Variants in CCDC152 observed in about 807,000 individuals in gnomAD.
CCDC152 encodes coiled-coil domain containing 152.
Under a neutral mutation model 38.1 loss-of-function variants are expected in CCDC152, and 37 were observed. The ratio of observed to expected loss-of-function variants is 0.97; its 90% CI spans 0.75 to 1.28. The LOEUF (loss-of-function observed/expected upper bound fraction) is 1.28, where lower values mean the gene tolerates loss of function less well. Ranked by LOEUF, CCDC152 falls within the 50% of genes most tolerant of loss-of-function variation. The probability of loss-of-function intolerance (pLI) is 0.00; values close to 1 mark genes in which losing one functional copy is unlikely to be tolerated. For missense variants in CCDC152, 259 were observed against 292.1 expected, an observed-to-expected ratio of 0.89 and a Z score of 0.83; for synonymous variants, 83 against 87.1, an observed-to-expected ratio of 0.95 and a Z score of 0.26.
Position 42,800,053 on chromosome 5 carries a change from A to G in CCDC152, c.*272A>G. 1 of 329,638 alleles carries G rather than the reference A, an allele frequency of 3.0e-6. No individual in the cohort carries two copies. The highest frequency in any genetic ancestry group is 6.5e-5 in the East Asian group (1 of 15,390). The allele number at this position is 329,638 out of a possible 1,614,324, so 20.4% of individuals were successfully genotyped here. On this transcript the variant is annotated 3_prime_UTR_variant, in exon 9 of 9. Coordinates refer to ENST00000361970, the MANE Select transcript of CCDC152 (RefSeq NM_001134848.2). ...TACTTACTAAGCAATATAGAGACAG[A>G]CAATATTATCTTTCCCCTTATATCT...
intron 3 of CCDC152, among the ~76,000 whole-genome samples, chr5:42,768,742 C>A (rs1371267422): frequency 6.6e-6 from 1 of 152,136 alleles, no homozygotes; most frequent in East Asian, 1.9e-4. Context: ...TTGTCTTATA[C>A]CAAAACAATA....
At chr5:42,775,572 G>A (rs1303652153) in intron 4 of CCDC152, among the ~76,000 whole-genome samples, 1 of 152,028 alleles carries the variant, frequency 6.6e-6, no homozygotes, top group Non-Finnish European at 1.5e-5. Flanking sequence ...TGATGAAAGA[G>A]GAGAGAAGCA....
intron 6 of CCDC152, among the ~76,000 whole-genome samples, chr5:42,790,399 G>T (rs1372476676): frequency 6.6e-6 from 1 of 152,206 alleles, no homozygotes; most frequent in East Asian, 1.9e-4. Context: ...TCAATGCCAT[G>T]TTGATAATGC....
chr5:42,786,773 A>T (rs1276813985), intron 6 of CCDC152, among the ~76,000 whole-genome samples: 1 of 152,016 alleles, frequency 6.6e-6, no homozygotes, highest in Non-Finnish European at 1.5e-5. Flanking sequence ...TTCCTCAGGT[A>T]GGCATTTAGT....
chr5:42,776,424 A>C (rs956154585), intron 4 of CCDC152, among the ~76,000 whole-genome samples: 2 of 152,188 alleles, frequency 1.3e-5, no homozygotes, highest in Non-Finnish European at 2.9e-5. Flanking sequence ...TAGCAAAGGC[A>C]TCAAAAATAT....
At chr5:42,764,551 C>T (rs1759600234) in intron 3 of CCDC152, among the ~76,000 whole-genome samples, 1 of 152,076 alleles carries the variant, frequency 6.6e-6, no homozygotes. Flanking sequence ...CCAAATTCAA[C>T]AATACATTAG....
At chr5:42,776,695 C>G (rs1759771667) in intron 4 of CCDC152, among the ~76,000 whole-genome samples, 1 of 151,992 alleles carries the variant, frequency 6.6e-6, no homozygotes, top group Non-Finnish European at 1.5e-5. Flanking sequence ...ATTTGAAAGA[C>G]CAGAAGTCAT....
At chr5:42,769,972 G>A (rs949922601) in intron 4 of CCDC152, among the ~76,000 whole-genome samples, 2 of 152,130 alleles carry the variant, frequency 1.3e-5, no homozygotes, top group Admixed American at 6.5e-5. Flanking sequence ...ATAATCTTGT[G>A]TTCAGTTTTG....
intron 6 of CCDC152, among the ~76,000 whole-genome samples, chr5:42,793,601 T>TG (rs1367669080): frequency 6.6e-6 from 1 of 152,096 alleles, no homozygotes; most frequent in Non-Finnish European, 1.5e-5. Context: ...ATAAAGAACT[T>TG]GGGGAATTTT....
intron 6 of CCDC152, among the ~76,000 whole-genome samples, chr5:42,784,449 T>C (rs1293974788): frequency 6.6e-6 from 1 of 152,162 alleles, no homozygotes; most frequent in East Asian, 1.9e-4. Flanking sequence ...GCCCACTTTG[T>C]AATGGGGTTG....
At chr5:42,775,316 A>T (rs934592382) in intron 4 of CCDC152, among the ~76,000 whole-genome samples, 2 of 152,142 alleles carry the variant, frequency 1.3e-5, no homozygotes, top group African/African-American at 4.8e-5. Flanking sequence ...AAAAATTTTG[A>T]AACAAGTGAG....
chr5:42,792,445 C>T (rs1250413070), intron 6 of CCDC152, among the ~76,000 whole-genome samples: 1 of 152,184 alleles, frequency 6.6e-6, no homozygotes, highest in African/African-American at 2.4e-5. Flanking sequence ...CCAGATAACT[C>T]TACTGCATTT....
At chr5:42,766,196 A>G (rs1250964444) in intron 3 of CCDC152, among the ~76,000 whole-genome samples, 1 of 152,200 alleles carries the variant, frequency 6.6e-6, no homozygotes, top group African/African-American at 2.4e-5. Flanking sequence ...GAGAAATGCA[A>G]ATCAAAACTA....
At chr5:42,764,731 A>G (rs140159692) in intron 3 of CCDC152, among the ~76,000 whole-genome samples, 2 of 152,224 alleles carry the variant, frequency 1.3e-5, no homozygotes, top group African/African-American at 2.4e-5. Flanking sequence ...ACATTCCTTC[A>G]TGATAAAAAC....
intron 4 of CCDC152, among the ~76,000 whole-genome samples, chr5:42,778,138 TTAGTGAC>T (rs1283898150): frequency 6.6e-6 from 1 of 152,226 alleles, no homozygotes. Flanking sequence ...TTACCAGGAA[TTAGTGAC>T]TAGGGCACAT....
In CCDC152 at chr5:42,762,514, A is replaced by C. The variant is rs1404437026; in HGVS notation, c.159A>C (p.Lys53Asn). Reference sequence around the variant, plus strand: ...TGGAAAAAAGTAATTGCCTATTAAAAGTAATGCAAGCAAAGGAGGTCTCCA... The same window carrying C: ...TGGAAAAAAGTAATTGCCTATTAAACGTAATGCAAGCAAAGGAGGTCTCCA... ...IQLEKSNCLL[K>N]VMQAKEVSIK... Residue 53 changes from lysine (K) to asparagine (N), a missense_variant, in exon 3 of 9, where the codon AAA (lysine) becomes AAC (asparagine). By Grantham distance (94) the Lys-to-Asn change is moderately conservative (BLOSUM62 0). Coordinates refer to ENST00000361970, the MANE Select transcript of CCDC152 (RefSeq NM_001134848.2). The C allele has an allele frequency of 6.5e-7, 1 of 1,539,036 alleles. No homozygotes were observed. Among genetic ancestry groups the C allele is most frequent in the Non-Finnish European group, 8.8e-7 (1 of 1,135,642 alleles).
At chr5:42,786,051 C>G (rs1285925064) in intron 6 of CCDC152, among the ~76,000 whole-genome samples, 1 of 151,928 alleles carries the variant, frequency 6.6e-6, no homozygotes, top group East Asian at 1.9e-4. Flanking sequence ...CTATGTTTAT[C>G]AGGGATATTG....
chr5:42,789,657 A>G (rs12658099), intron 6 of CCDC152, among the ~76,000 whole-genome samples: 2,729 of 152,274 alleles, frequency 0.018, 145 homozygotes, highest in South Asian at 0.18. Context: ...TGTATAATTA[A>G]TAATTTTTAT....
At chr5:42,770,777 T>C (rs780609583) in intron 4 of CCDC152, among the ~76,000 whole-genome samples, 8 of 152,202 alleles carry the variant, frequency 5.3e-5, no homozygotes, top group Non-Finnish European at 1.0e-4. Context: ...CTGTGTCTTC[T>C]TTCATTTCCT....
Sources: gnomAD v4.1 joint callset for allele counts (sites outside exome capture counted in the v4.1 genomes callset) on GRCh38, gnomAD v4.1.1 for gene constraint, MANE v1.5 for transcripts, NCBI Gene and HGNC (gene_info 2026-07-23, HGNC 2026-07-21) for gene names.